The following UBE2K variants were observed in gnomAD, a reference collection of about 807,000 sequenced individuals.
UBE2K encodes ubiquitin conjugating enzyme E2 K.
Under a neutral mutation model 30.0 loss-of-function variants are expected in UBE2K, and 6 were observed. The observed-to-expected ratio is 0.20, with a 90% CI of 0.11 to 0.39. The LOEUF is 0.39. UBE2K is among the 10% of genes least tolerant of loss of function. UBE2K has a pLI of 1.00. For synonymous variants in UBE2K, 86 were observed against 83.7 expected, an observed-to-expected ratio of 1.03 and a Z score of -0.15; for missense variants, 61 against 241.6, an observed-to-expected ratio of 0.25 and a Z score of 4.96.
At chr4:39,731,633 G>A (rs1464284043) in intron 1 of UBE2K, among the ~76,000 whole-genome samples, 2 of 151,864 alleles carry the variant, frequency 1.3e-5, no homozygotes, top group Non-Finnish European at 2.9e-5. Context: ...AGTGAGCTGG[G>A]CAACACAGCA....
intron 4 of UBE2K, chr4:39,770,581 C>T (rs1343306798): frequency 3.2e-6 from 5 of 1,582,604 alleles, no homozygotes; most frequent in East Asian, 2.3e-5. Flanking sequence ...GTGGCCCCCA[C>T]GCTGGCCCGG....
intron 1 of UBE2K, among the ~76,000 whole-genome samples, chr4:39,718,959 C>T (rs1235841554): frequency 2.6e-5 from 4 of 152,262 alleles, no homozygotes; most frequent in Non-Finnish European, 4.4e-5. Context: ...CACAGTGCAG[C>T]GGTGGGCTGA....
chr4:39,716,153 C>T (rs1719045786), intron 1 of UBE2K, among the ~76,000 whole-genome samples: 1 of 152,226 alleles, frequency 6.6e-6, no homozygotes, highest in Non-Finnish European at 1.5e-5. Flanking sequence ...ATTTACCTTT[C>T]ATCCTCCACT....
At chr4:39,757,998 C>T (rs1017427448) in intron 4 of UBE2K, among the ~76,000 whole-genome samples, 10 of 152,192 alleles carry the variant, frequency 6.6e-5, no homozygotes, top group African/African-American at 2.4e-4. Context: ...CACAAATTAT[C>T]TTCCCTGAAC....
intron 1 of UBE2K, among the ~76,000 whole-genome samples, chr4:39,715,466 C>T (rs980948060): frequency 6.6e-6 from 1 of 151,956 alleles, no homozygotes; most frequent in Non-Finnish European, 1.5e-5. Flanking sequence ...GCCACCATGC[C>T]CGTCTGCTTT....
intron 1 of UBE2K, 105 bp downstream of exon 1, chr4:39,698,495 G>C (rs1717821632): frequency 9.3e-7 from 1 of 1,069,922 alleles, no homozygotes; most frequent in East Asian, 2.6e-5. Flanking sequence ...TCCTCCTTGC[G>C]GCCGCCCTTC....
chr4:39,759,180 C>G (rs1260859566), intron 4 of UBE2K, among the ~76,000 whole-genome samples: 1 of 152,110 alleles, frequency 6.6e-6, no homozygotes, highest in Non-Finnish European at 1.5e-5. Flanking sequence ...AGCAGGCATA[C>G]TAGAAAATAA....
chr4:39,740,918 A>ATT (rs1720667643), intron 2 of UBE2K, among the ~76,000 whole-genome samples: 1 of 150,768 alleles, frequency 6.6e-6, no homozygotes, highest in African/African-American at 2.4e-5. Flanking sequence ...AAGTTTGGTC[A>ATT]TTTTTTTTCT....
chr4:39,717,549 A>T (rs182386518), intron 1 of UBE2K, among the ~76,000 whole-genome samples: 1 of 152,142 alleles, frequency 6.6e-6, no homozygotes, highest in African/African-American at 2.4e-5. Flanking sequence ...TTTCTAGTCA[A>T]CCCTAATGGT....
At chr4:39,766,962 G>C (rs1486954290) in intron 4 of UBE2K, among the ~76,000 whole-genome samples, 1 of 152,106 alleles carries the variant, frequency 6.6e-6, no homozygotes, top group African/African-American at 2.4e-5. Context: ...TGTTGGCCAG[G>C]CTGGTCTCGA....
At chr4:39,722,969 A>G (rs1307728917) in intron 1 of UBE2K, among the ~76,000 whole-genome samples, 17 of 151,724 alleles carry the variant, frequency 1.1e-4, no homozygotes. Context: ...CTAATTTAGT[A>G]GAGATGGAAT....
chr4:39,699,423 C>T (rs1717885465), intron 1 of UBE2K, among the ~76,000 whole-genome samples: 1 of 152,148 alleles, frequency 6.6e-6, no homozygotes, highest in Non-Finnish European at 1.5e-5. Flanking sequence ...AAAAAGTTGC[C>T]TCCCGTTGCT....
In UBE2K at chr4:39,728,787, C is replaced by T. The variant is rs566760868; in HGVS notation, c.64-8633C>T. Among the ~76,000 whole-genome samples, 314 of 151,366 alleles carry T rather than the reference C, an allele frequency of 2.1e-3. 1 individual carries two copies. Among genetic ancestry groups the T allele is most frequent in the Admixed American group, 3.2e-3 (48 of 15,186 alleles). ...CGGAGTAGCTGGGACTATAGGCGCC[C>T]GCCACCACGCCCGGCTAGTAGGTTT... On this transcript the variant is annotated intron_variant, in intron 1 of 6. Transcript: ENST00000261427.
chr4:39,740,521 C>T (rs1309626482), intron 2 of UBE2K, among the ~76,000 whole-genome samples: 5 of 147,496 alleles, frequency 3.4e-5, no homozygotes, highest in Admixed American at 6.9e-5. Context: ...CCAGCCTGGG[C>T]GACAGCGAGA....
intron 4 of UBE2K, among the ~76,000 whole-genome samples, chr4:39,760,524 AC>A (rs1711855052): frequency 6.6e-6 from 1 of 152,230 alleles, no homozygotes; most frequent in Admixed American, 6.5e-5. Flanking sequence ...ATGTTGAGTG[AC>A]AAAAGCCAGA....
chr4:39,729,672 A>G (rs1176742070), intron 1 of UBE2K, among the ~76,000 whole-genome samples: 1 of 152,054 alleles, frequency 6.6e-6, no homozygotes, highest in Non-Finnish European at 1.5e-5. Context: ...CCCAGATCTG[A>G]TTGTTACAAC....
chr4:39,722,953 A>G (rs1325088468), intron 1 of UBE2K, among the ~76,000 whole-genome samples: 1 of 150,696 alleles, frequency 6.6e-6, no homozygotes, highest in Non-Finnish European at 1.5e-5. Context: ...GCACCACCAC[A>G]CCCGGCTAAT....
chr4:39,718,952 A>G (rs765511422), intron 1 of UBE2K, among the ~76,000 whole-genome samples: 3 of 152,240 alleles, frequency 2.0e-5, no homozygotes, highest in Non-Finnish European at 4.4e-5. Flanking sequence ...GGGCTCCCAC[A>G]GTGCAGCGGT....
intron 1 of UBE2K, among the ~76,000 whole-genome samples, chr4:39,699,813 T>A (rs1185688692): frequency 2.6e-5 from 4 of 152,076 alleles, no homozygotes; most frequent in Non-Finnish European, 5.9e-5. Flanking sequence ...TAAGTCATGG[T>A]CGGTTTTACA....
Sources: gnomAD v4.1 joint callset for allele counts (sites outside exome capture counted in the v4.1 genomes callset) on GRCh38, gnomAD v4.1.1 for gene constraint, MANE v1.5 for transcripts, NCBI Gene and HGNC (gene_info 2026-07-23, HGNC 2026-07-21) for gene names.